The following OAT variants were observed in gnomAD, a reference collection of about 807,000 sequenced individuals.
The protein encoded by OAT is ornithine aminotransferase, mitochondrial.
OAT carries 35 observed loss-of-function variants against 48.4 expected under a neutral mutation model. That is an observed-to-expected ratio of 0.72 (90% CI 0.55 to 0.96). The LOEUF (loss-of-function observed/expected upper bound fraction) is 0.96. OAT is among the 40% of genes least tolerant of loss of function. The pLI, the probability that OAT is intolerant of heterozygous loss-of-function variation, is 0.00. For synonymous variants in OAT, 182 were observed against 198.4 expected (o/e 0.92, Z 0.70); for missense variants, 438 against 537.9 (o/e 0.81, Z 1.84).
chr10:124,398,165 G>A, intron 9 of OAT, 63 bp from the exon 10 acceptor site: 2 of 1,565,946 alleles, frequency 1.3e-6, no homozygotes, highest in Non-Finnish European at 1.8e-6. Flanking sequence ...CTTGCCGTAT[G>A]TATGGGCAAA....
intron 6 of OAT, chr10:124,403,480 CA>C (rs540359679): frequency 3.1e-4 from 135 of 437,300 alleles, no homozygotes; most frequent in African/African-American, 2.5e-3. Context: ...GAGAATACAA[CA>C]AAGGGCTTGC....
intron 1 of OAT, among the ~76,000 whole-genome samples, chr10:124,415,770 C>G (rs1951900529): frequency 6.6e-6 from 1 of 152,020 alleles, no homozygotes; most frequent in Non-Finnish European, 1.5e-5. Flanking sequence ...TTCAGTCTCC[C>G]CATTTGTAAA....
intron 6 of OAT, chr10:124,403,476 A>G (rs1257181422): frequency 2.3e-6 from 1 of 432,350 alleles, no homozygotes; most frequent in Non-Finnish European, 4.3e-6. Flanking sequence ...AGGAGAGAAT[A>G]CAACAAAGGG....
rs386833598 is a variant in OAT at position 124,397,955 on chromosome 10, A to T, written c.1307T>A (p.Ile436Asn). 6 of 1,613,660 alleles carry T rather than the reference A, an allele frequency of 3.7e-6. No homozygotes were observed. The highest frequency in any genetic ancestry group is 5.1e-6 in the Non-Finnish European group (6 of 1,179,840). The change falls in exon 10 of 10, where the codon ATC becomes AAC. Residue 436 changes from isoleucine (I) to asparagine (N), a missense_variant. Ile to Asn is a moderately radical substitution (Grantham distance 149). Coordinates refer to ENST00000368845, the MANE Select transcript of OAT (RefSeq NM_000274.4). ...RESIEIINKT[I>N]LSF ...AGCTGGCTACCCTCAGAAAGACAAG[A>T]TGGTCTTGTTAATAATTTCAATGGA...
chr10:124,398,224 G>C (rs1263106770), intron 9 of OAT, 122 bp from the exon 10 acceptor site: 1 of 1,136,726 alleles, frequency 8.8e-7, no homozygotes, highest in East Asian at 2.6e-5. Context: ...ACTAAGGGAA[G>C]CTTGGGCTGG....
rs1951274841 is a variant in OAT at position 124,397,875 on chromosome 10, T to C, written c.*67A>G. On this transcript the variant is annotated 3_prime_UTR_variant, in exon 10 of 10. Coordinates refer to ENST00000368845, the MANE Select transcript of OAT (RefSeq NM_000274.4). ...GAGTGGAATGTGCCCACATTAGGAA[T>C]AAAGCTTTTACAGGACCACCTGTCT... 6.3e-7 allele frequency: 1 copy of C among 1,598,988 alleles called. No individual in the cohort carries two copies. The highest frequency in any genetic ancestry group is 8.6e-7 in the Non-Finnish European group (1 of 1,167,566).
intron 2 of OAT, 66 bp downstream of exon 2, chr10:124,411,907 T>G: frequency 7.0e-7 from 1 of 1,423,842 alleles, no homozygotes; most frequent in Non-Finnish European, 9.9e-7. Context: ...TGTGAAAATA[T>G]GGAAGCAATT....
chr10:124,407,373 A>T, intron 4 of OAT: 1 of 984,810 alleles, frequency 1.0e-6, no homozygotes, highest in Non-Finnish European at 1.2e-6. Context: ...TCAGGTGAAA[A>T]CATCTTTGCA....
intron 5 of OAT, among the ~76,000 whole-genome samples, 168 bp downstream of exon 5, chr10:124,405,268 T>C (rs1951538776): frequency 6.6e-6 from 1 of 152,204 alleles, no homozygotes; most frequent in Non-Finnish European, 1.5e-5. Flanking sequence ...CTCAGCTTTC[T>C]CTGTGTTGGA....
intron 1 of OAT, among the ~76,000 whole-genome samples, chr10:124,413,250 A>G (rs1289564373): frequency 2.0e-5 from 3 of 147,086 alleles, no homozygotes; most frequent in Non-Finnish European, 3.0e-5. Context: ...CAACATATAC[A>G]TACATACATA....
At chr10:124,402,124 T>A (rs1456683799) in intron 7 of OAT, among the ~76,000 whole-genome samples, 1 of 152,056 alleles carries the variant, frequency 6.6e-6, no homozygotes, top group Non-Finnish European at 1.5e-5. Context: ...GGTCTCGAAC[T>A]CATGACCTCA....
In OAT at chr10:124,400,861, T is replaced by C. The variant is rs545710763; in HGVS notation, c.1138A>G (p.Ile380Val). The C allele has an allele frequency of 2.9e-4, 470 of 1,604,158 alleles. 9 individuals are homozygous for C. In the South Asian group the frequency reaches 4.7e-3, roughly 16 times the overall value. The change falls in exon 9 of 10, where the codon ATT becomes GTT. Residue 380 changes from isoleucine (I) to valine (V), a missense_variant. Coordinates refer to ENST00000368845, the MANE Select transcript of OAT (RefSeq NM_000274.4). ...ATACCTTTGGTTTCTTTAATGACAA[T>C]AGCGTTTAATAATCCTTTTCCTCTT... ...AVRGKGLLNA[I>V]VIKETKDWDA...
chr10:124,417,037 A>G (rs1000849277), intron 1 of OAT, among the ~76,000 whole-genome samples: 1 of 152,200 alleles, frequency 6.6e-6, no homozygotes, highest in Non-Finnish European at 1.5e-5. Context: ...TCGTGCATTC[A>G]TCACTATTTG....
chr10:124,403,719 T>A, intron 6 of OAT, 79 bp downstream of exon 6: 1 of 1,583,174 alleles, frequency 6.3e-7, no homozygotes, highest in Non-Finnish European at 8.7e-7. Flanking sequence ...CAGAGAGGAG[T>A]TGGGGAGGAG....
At chr10:124,407,581 C>G (rs1021501819) in intron 4 of OAT, 12 of 299,714 alleles carry the variant, frequency 4.0e-5, no homozygotes, top group Non-Finnish European at 5.9e-5. Context: ...TCACCTCTGG[C>G]CTTCGGTTGA....
chr10:124,405,315 G>A (rs1164099465), intron 5 of OAT, 121 bp downstream of exon 5: 12 of 1,421,400 alleles, frequency 8.4e-6, no homozygotes, highest in East Asian at 5.0e-5. Flanking sequence ...GTCTGAAATC[G>A]TGGCTTAACT....
rs1564742697 is a variant in OAT, at chr10:124,415,074, T to TGTGTCGCTAAAAAAAAAAAAAAAAA, written c.-29-2875_-29-2874insTTTTTTTTTTTTTTTTTAGCGACAC. 3 of 16,854 alleles carry TGTGTCGCTAAAAAAAAAAAAAAAAA rather than the reference T, an allele frequency of 1.8e-4. 1 individual carries two copies. Among genetic ancestry groups the TGTGTCGCTAAAAAAAAAAAAAAAAA allele is most frequent in the Non-Finnish European group, 1.2e-4 (1 of 8,032 alleles). 1.0% of individuals were successfully genotyped at this position (16,854 alleles called of 1,614,324 possible). On this transcript the variant is annotated intron_variant, in intron 1 of 9. Transcript: ENST00000368845. ...CACTCCAGCCTGGGCTACAAAGCGC[T>TGTGTCGCTAAAAAAAAAAAAAAAAA]AAAAAAAAAAAAAAAAAAAAAAAAA...
chr10:124,412,304 A>T (rs1471544284), intron 1 of OAT, 104 bp from the exon 2 acceptor site: 2 of 847,718 alleles, frequency 2.4e-6, no homozygotes, highest in Non-Finnish European at 3.8e-6. Flanking sequence ...TGAGCCCAGG[A>T]GTTTGAGACC....
rs542941478 is a variant in OAT, at chr10:124,403,249, CCTTT to C, written c.772-198_772-195del. 2.1e-4 allele frequency: 136 copies of C among 646,670 alleles called. No homozygotes were observed. In the African/African-American group the frequency reaches 2.3e-3, roughly 11 times the overall value. 40.1% of individuals were successfully genotyped at this position (646,670 alleles called of 1,614,324 possible). The stretch of plus-strand genomic sequence containing the variant: ...AATCTTGTAGACTCACCAACTATTT[CCTTT>C]GTCAGGCCACTATCTCCCTAGAGGC... On this transcript the variant is annotated intron_variant, in intron 6 of 9. Coordinates refer to ENST00000368845, the MANE Select transcript of OAT (RefSeq NM_000274.4).
Sources: gnomAD v4.1 joint callset for allele counts (sites outside exome capture counted in the v4.1 genomes callset) on GRCh38, gnomAD v4.1.1 for gene constraint, MANE v1.5 for transcripts, NCBI Gene and HGNC (gene_info 2026-07-23, HGNC 2026-07-21) for gene names.